The following STT3B variants were observed in gnomAD, a reference collection of about 807,000 sequenced individuals.
STT3B encodes STT3 oligosaccharyltransferase complex catalytic subunit B.
A neutral mutation model predicts 96.8 loss-of-function variants in STT3B; 29 were observed. The ratio of observed to expected loss-of-function variants is 0.30; its 90% CI spans 0.22 to 0.41. The LOEUF (loss-of-function observed/expected upper bound fraction) is 0.41. Ranked by LOEUF, STT3B falls within the 10% of genes least tolerant of loss-of-function variation. STT3B has a pLI of 1.00. For synonymous variants in STT3B, 367 were observed against 360.0 expected, an observed-to-expected ratio of 1.02 and a Z score of -0.22; for missense variants, 640 against 1,022.3, an observed-to-expected ratio of 0.63 and a Z score of 5.10.
intron 14 of STT3B, 21 bp from the exon 15 acceptor site, chr3:31,632,914 A>C: frequency 1.2e-6 from 2 of 1,609,450 alleles, no homozygotes; most frequent in Non-Finnish European, 1.7e-6. Flanking sequence ...TTAACACCCA[A>C]TAATAATGTC....
At chr3:31,627,630 G>T (rs1244330148) in intron 13 of STT3B, among the ~76,000 whole-genome samples, 1 of 152,222 alleles carries the variant, frequency 6.6e-6, no homozygotes, top group African/African-American at 2.4e-5. Context: ...TGATGCAGAT[G>T]AAGTAAAGCC....
intron 13 of STT3B, among the ~76,000 whole-genome samples, chr3:31,627,229 T>C (rs144745133): frequency 3.0e-4 from 46 of 152,268 alleles, no homozygotes; most frequent in Admixed American, 5.2e-4. Context: ...GAGCTCCGCC[T>C]CCTATCAGAC....
chr3:31,541,662 C>T (rs761291391), intron 1 of STT3B, among the ~76,000 whole-genome samples: 18 of 151,962 alleles, frequency 1.2e-4, no homozygotes, highest in Non-Finnish European at 2.5e-4. Flanking sequence ...CTGCAAGCTC[C>T]ACCTCTTGGG....
At chr3:31,604,057 C>T (rs1227911829) in intron 5 of STT3B, among the ~76,000 whole-genome samples, 4 of 152,068 alleles carry the variant, frequency 2.6e-5, no homozygotes, top group Admixed American at 2.6e-4. Context: ...GAAAAGAAAT[C>T]AATTTCTAAT....
intron 15 of STT3B, among the ~76,000 whole-genome samples, chr3:31,634,546 A>G (rs945029519): frequency 6.6e-6 from 1 of 152,226 alleles, no homozygotes; most frequent in Non-Finnish European, 1.5e-5. Flanking sequence ...TACTAACACT[A>G]TGAAGGAATG....
chr3:31,539,745 G>A (rs1316459456), intron 1 of STT3B, among the ~76,000 whole-genome samples: 2 of 152,138 alleles, frequency 1.3e-5, no homozygotes, highest in South Asian at 2.1e-4. Context: ...TGGGATTTTC[G>A]GAAACTCTGA....
chr3:31,589,597 T>A (rs940043723), intron 3 of STT3B, among the ~76,000 whole-genome samples: 1 of 152,008 alleles, frequency 6.6e-6, no homozygotes, highest in Non-Finnish European at 1.5e-5. Flanking sequence ...GCCTACCTCA[T>A]AAACATAGAT....
chr3:31,608,961 A>C (rs1699119774), intron 5 of STT3B, among the ~76,000 whole-genome samples: 1 of 152,140 alleles, frequency 6.6e-6, no homozygotes, highest in Non-Finnish European at 1.5e-5. Flanking sequence ...CTAAAAATAC[A>C]AAAATTAGCT....
chr3:31,583,226 G>T (rs769691694), intron 3 of STT3B, among the ~76,000 whole-genome samples: 1 of 152,022 alleles, frequency 6.6e-6, no homozygotes, highest in Non-Finnish European at 1.5e-5. Context: ...GTACATAAAT[G>T]TTTGCAATTG....
intron 1 of STT3B, among the ~76,000 whole-genome samples, chr3:31,566,856 T>G (rs2125447060): frequency 6.6e-6 from 1 of 152,322 alleles, no homozygotes; most frequent in Non-Finnish European, 1.5e-5. Flanking sequence ...AATTTGCCTG[T>G]CTTTCCAGTG....
intron 1 of STT3B, among the ~76,000 whole-genome samples, chr3:31,572,555 C>T (rs1157430178): frequency 6.6e-6 from 1 of 152,052 alleles, no homozygotes; most frequent in Admixed American, 6.6e-5. Flanking sequence ...TTTGAACTTA[C>T]ATTTATATTT....
At chr3:31,580,939 GAAA>G (rs200979073) in intron 3 of STT3B, among the ~76,000 whole-genome samples, 40 of 131,326 alleles carry the variant, frequency 3.0e-4, no homozygotes, top group African/African-American at 1.1e-3. Context: ...CAGCTGAGGA[GAAA>G]AAAAAAAAAA....
At chr3:31,616,269 T>C (rs934103588) in intron 6 of STT3B, among the ~76,000 whole-genome samples, 2 of 151,890 alleles carry the variant, frequency 1.3e-5, no homozygotes, top group Non-Finnish European at 3.0e-5. Flanking sequence ...CTCTGGGTGT[T>C]AGAAGGACCC....
intron 3 of STT3B, among the ~76,000 whole-genome samples, chr3:31,595,304 A>G (rs571877182): frequency 5.3e-5 from 8 of 152,332 alleles, no homozygotes; most frequent in African/African-American, 1.9e-4. Flanking sequence ...ACTGTGGATG[A>G]AAGTCCATAT....
At chr3:31,632,665 G>T (rs946674917) in intron 14 of STT3B, among the ~76,000 whole-genome samples, 3 of 86,210 alleles carry the variant, frequency 3.5e-5, no homozygotes, top group African/African-American at 9.9e-5. Flanking sequence ...CTATGTTTTG[G>T]TGGGTTTTTT....
intron 15 of STT3B, 109 bp downstream of exon 15, chr3:31,633,256 T>A: frequency 1.1e-6 from 1 of 920,372 alleles, no homozygotes; most frequent in Non-Finnish European, 1.6e-6. Context: ...TTATAAAGAC[T>A]ATGGCTTCTA....
intron 5 of STT3B, among the ~76,000 whole-genome samples, chr3:31,611,736 A>T (rs971206972): frequency 4.6e-5 from 7 of 152,126 alleles, no homozygotes; most frequent in Admixed American, 3.9e-4. Context: ...ACCTCAAGTG[A>T]TGCATCCGCC....
intron 5 of STT3B, among the ~76,000 whole-genome samples, chr3:31,609,896 A>G (rs979382776): frequency 6.6e-6 from 1 of 152,130 alleles, no homozygotes; most frequent in Non-Finnish European, 1.5e-5. Context: ...GTGATTAAGT[A>G]TCTCTACTGA....
At chr3:31,633,985 T>C (rs573213200) in intron 15 of STT3B, among the ~76,000 whole-genome samples, 42 of 152,324 alleles carry the variant, frequency 2.8e-4, no homozygotes, top group African/African-American at 1.0e-3. Flanking sequence ...CTTTGTTACT[T>C]AAAATATACA....
Sources: gnomAD v4.1 joint callset for allele counts (sites outside exome capture counted in the v4.1 genomes callset) on GRCh38, gnomAD v4.1.1 for gene constraint, MANE v1.5 for transcripts, NCBI Gene and HGNC (gene_info 2026-07-23, HGNC 2026-07-21) for gene names.